Variants in UBA5 observed in about 807,000 individuals in gnomAD.
The protein encoded by UBA5 is ubiquitin like modifier activating enzyme 5, also known as ubiquitin-like modifier-activating enzyme 5.
In UBA5, 28 loss-of-function variants were observed where a neutral mutation model predicts 52.9. The ratio of observed to expected loss-of-function variants is 0.53; its 90% CI spans 0.39 to 0.73. The LOEUF (loss-of-function observed/expected upper bound fraction) is 0.73. Ranked by LOEUF, UBA5 falls within the 30% of genes least tolerant of loss-of-function variation. UBA5 has a pLI of 0.00. For missense variants in UBA5, 388 were observed against 492.7 expected (o/e 0.79, Z 2.01); for synonymous variants, 135 against 162.1 (o/e 0.83, Z 1.27).
Position 132,660,672 on chromosome 3 carries a change from A to C in UBA5, c.135A>C (p.Ser45=). The change falls in exon 1 of 12, where the codon TCA becomes TCC. Residue 45 remains serine, a synonymous_variant. Coordinates refer to ENST00000356232, the MANE Select transcript of UBA5 (RefSeq NM_024818.6). The surrounding 1 kb of genome is among the most constrained non-coding windows in gnomAD (Gnocchi z 4.1). ...GGGTCCGCATCGAGAAGATGAGCTC[A>C]GAGGTGGTGGATTCGAATCCCTACA... ...GGRVRIEKMS[S]EVVDSNPYSR... 3 of 1,574,956 alleles carry C rather than the reference A, an allele frequency of 1.9e-6. No individual in the cohort carries two copies. Among genetic ancestry groups the C allele is most frequent in the Non-Finnish European group, 2.6e-6 (3 of 1,160,414 alleles).
At chr3:132,656,686 G>T (rs183890203), upstream of UBA5, among the ~76,000 whole-genome samples, 80 of 152,102 alleles carry the variant, frequency 5.3e-4, no homozygotes, top group East Asian at 9.7e-3. Context: ...TAGAGACGGG[G>T]TTTCACCATG....
chr3:132,666,694 C>T (rs1185896514), intron 3 of UBA5, among the ~76,000 whole-genome samples: 1 of 152,118 alleles, frequency 6.6e-6, no homozygotes, highest in East Asian at 1.9e-4. Flanking sequence ...CATTCTCCCA[C>T]AGTTTACCAA....
At chr3:132,675,999 C>T in intron 11 of UBA5, 76 bp downstream of exon 11, 1 of 973,948 alleles carries the variant, frequency 1.0e-6, no homozygotes, top group South Asian at 1.7e-5. Context: ...ATTTGTAATG[C>T]CAATGAAGTA....
rs1938858431 is a variant in UBA5, at chr3:132,676,796, T to G, written c.*270T>G. 6.0e-6 allele frequency: 3 copies of G among 498,520 alleles called. No homozygotes were observed. The highest frequency in any genetic ancestry group is 1.2e-5 in the Non-Finnish European group (3 of 254,660). 30.9% of individuals were successfully genotyped at this position (498,520 alleles called of 1,614,324 possible). On this transcript the variant is annotated 3_prime_UTR_variant, in exon 12 of 12. Coordinates refer to ENST00000356232, the MANE Select transcript of UBA5 (RefSeq NM_024818.6). This position sits in a 1 kb window ranked among gnomAD's most constrained non-coding sequence, Gnocchi z 4.1. Reference sequence around the variant, plus strand: ...ACTTGAAAACATAGCTGTTGAAATGTTTTGGCCTTTTGGAGTGGGGGAAGG... The same window carrying G: ...ACTTGAAAACATAGCTGTTGAAATGGTTTGGCCTTTTGGAGTGGGGGAAGG...
At chr3:132,665,784 A>T (rs1938351767) in intron 1 of UBA5, 39 bp from the exon 2 acceptor site, 1 of 1,594,840 alleles carries the variant, frequency 6.3e-7, no homozygotes, top group Admixed American at 1.7e-5. Context: ...AATACCTAAA[A>T]GACTGTAAGC....
chr3:132,664,899 A>C (rs939972947), intron 1 of UBA5, among the ~76,000 whole-genome samples: 1 of 152,178 alleles, frequency 6.6e-6, no homozygotes, highest in Admixed American at 6.5e-5. Context: ...GGAACTTTAG[A>C]TAACTAGTGG....
Position 132,660,886 on chromosome 3 carries a change from T to C in UBA5, c.161+188T>C. On this transcript the variant is annotated intron_variant, in intron 1 of 11. Transcript: ENST00000356232. The surrounding 1 kb of genome is among the most constrained non-coding windows in gnomAD (Gnocchi z 4.1). ...ATCGGAAGATATTCTTTCTCTTTTT[T>C]AAAAACCTCCAGTGAGTCAGCCATA... The C allele has an allele frequency of 6.9e-7, 1 of 1,443,190 alleles. No individual in the cohort carries two copies. Among genetic ancestry groups the C allele is most frequent in the Non-Finnish European group, 9.1e-7 (1 of 1,101,622 alleles). The allele number at this position is 1,443,190 out of a possible 1,614,324, so 89.4% of individuals were successfully genotyped here.
chr3:132,668,601 G>A (rs73000590), intron 3 of UBA5: 4,674 of 331,058 alleles, frequency 0.014, 208 homozygotes, highest in African/African-American at 0.09. Context: ...CTTTGGACAA[G>A]TGTTGTAGTT....
rs1290165984 is a variant in UBA5 at position 132,660,334 on chromosome 3, G to A, written c.-204G>A. On this transcript the variant is annotated 5_prime_UTR_variant, in exon 1 of 12. Coordinates refer to ENST00000356232, the MANE Select transcript of UBA5 (RefSeq NM_024818.6). The surrounding 1 kb of genome is among the most constrained non-coding windows in gnomAD (Gnocchi z 4.1). ...GGGGGAGCGATGTCTGCGACGCACC[G>A]GAAGCGGCTCCGAGGAAGGCCTGTG... The A allele has an allele frequency of 4.7e-6, 3 of 638,376 alleles. No homozygotes were observed. The East Asian group carries it at 8.5e-5, about 18-fold the overall frequency. The allele number at this position is 638,376 out of a possible 1,614,324, so 39.5% of individuals were successfully genotyped here.
chr3:132,661,065 A>G (rs1274953387), intron 1 of UBA5: 7 of 1,315,890 alleles, frequency 5.3e-6, no homozygotes, highest in Non-Finnish European at 7.0e-6. Flanking sequence ...TTTGAGTTTC[A>G]TTAAAGGCTT....
chr3:132,679,339 GT>G lies in UBA5; in HGVS notation c.*2815del, dbSNP rs1395478197. The stretch of plus-strand genomic sequence containing the variant: ...TCTAACAATTCAGATTTATAATTGA[GT>G]TGTCTGAAAGCTACCTTTTTCATTG... On this transcript the variant is annotated 3_prime_UTR_variant, in exon 12 of 12. Transcript: ENST00000356232. 6.6e-6 allele frequency among the ~76,000 whole-genome samples: 1 copy of G among 152,120 alleles called. No individual in the cohort carries two copies. The highest frequency in any genetic ancestry group is 1.9e-4 in the East Asian group (1 of 5,176).
At chr3:132,658,320 C>A (rs1937929613), upstream of UBA5, among the ~76,000 whole-genome samples, 1 of 152,082 alleles carries the variant, frequency 6.6e-6, no homozygotes, top group Admixed American at 6.5e-5. Flanking sequence ...ATTTATTAAA[C>A]CAAGCTTATA....
rs769500265 is a variant in UBA5, at chr3:132,675,884, A to C, written c.1092A>C (p.Leu364Phe). Residue 364 changes from leucine to phenylalanine, a missense_variant, in exon 11 of 12, where the codon TTA becomes TTC. Around this residue, in one of 3 missense-constraint regions of UBA5, gnomAD observed 277 missense variants for 326.4 expected, o/e 0.85. Coordinates refer to ENST00000356232, the MANE Select transcript of UBA5 (RefSeq NM_024818.6). Reference sequence around the variant, plus strand: ...ATTTTTCAGGTCCAGTTCCAGACTTACCTGAAGGAATTACAGTGGCATACA... The same window carrying C: ...ATTTTTCAGGTCCAGTTCCAGACTTCCCTGAAGGAATTACAGTGGCATACA... ...LKNFSGPVPD[L>F]PEGITVAYTI... 1.9e-6 allele frequency: 3 copies of C among 1,611,420 alleles called. No homozygotes were observed. Among genetic ancestry groups the C allele is most frequent in the Non-Finnish European group, 2.5e-6 (3 of 1,179,074 alleles).
upstream of UBA5, among the ~76,000 whole-genome samples, chr3:132,656,505 T>TG (rs1576630492): frequency 6.6e-6 from 1 of 151,878 alleles, no homozygotes; most frequent in African/African-American, 2.4e-5. Context: ...ATTTTTTTTT[T>TG]TTTTGAGACG....
At position 132,676,335 on chromosome 3, in the gene UBA5, A is replaced by C; in HGVS notation, c.1132-108A>C. 1.2e-6 allele frequency: 1 copy of C among 806,626 alleles called. No individual in the cohort carries two copies. Among genetic ancestry groups the C allele is most frequent in the South Asian group, 1.7e-5 (1 of 59,250 alleles). The allele number at this position is 806,626 out of a possible 1,614,324, so 50.0% of individuals were successfully genotyped here. ...AGAAGATAGTTGTTAAAGAAAATTT[A>C]CTTTATAACCTTGTTGAGCATGGTC... On this transcript the variant is annotated intron_variant, in intron 11 of 11. Transcript: ENST00000356232. This position sits in a 1 kb window ranked among gnomAD's most constrained non-coding sequence, Gnocchi z 4.1.
chr3:132,661,097 T>C (rs1386696869), intron 1 of UBA5: 1 of 1,225,814 alleles, frequency 8.2e-7, no homozygotes, highest in Non-Finnish European at 1.1e-6. Flanking sequence ...TTAAATGGGG[T>C]CGGGGCGGGG....
intron 6 of UBA5, among the ~76,000 whole-genome samples, chr3:132,671,252 G>A (rs1411164437): frequency 6.6e-6 from 1 of 152,134 alleles, no homozygotes; most frequent in African/African-American, 2.4e-5. Flanking sequence ...GCTGTGACAT[G>A]TGTTACAGTA....
chr3:132,664,222 T>C (rs973102364), intron 1 of UBA5, among the ~76,000 whole-genome samples: 1 of 152,136 alleles, frequency 6.6e-6, no homozygotes, highest in East Asian at 1.9e-4. Context: ...TAAGGCACAC[T>C]GTGAAATTTT....
At chr3:132,657,242 C>T (rs1937857369), upstream of UBA5, among the ~76,000 whole-genome samples, 1 of 152,090 alleles carries the variant, frequency 6.6e-6, no homozygotes, top group African/African-American at 2.4e-5. Context: ...CTTCTTTTCC[C>T]CCCACTGACT....
Sources: allele counts gnomAD v4.1 joint callset (sites outside exome capture counted in the v4.1 genomes callset), GRCh38; gene constraint gnomAD v4.1.1; regional missense constraint gnomAD v4.1.1; non-coding constraint Gnocchi (gnomAD v3.1); transcripts MANE v1.5; gene names NCBI Gene and HGNC (gene_info 2026-07-23, HGNC 2026-07-21).